TLK2: variants seen among roughly 807,000 people sequenced by gnomAD.
TLK2 encodes the protein tousled like kinase 2, also known as serine/threonine-protein kinase tousled-like 2.
TLK2 carries 6 observed loss-of-function variants against 117.3 expected under a neutral mutation model. The observed-to-expected ratio is 0.05, with a 90% confidence interval of 0.03 to 0.10. The LOEUF is 0.10. Ranked by LOEUF, TLK2 falls within the 10% of genes least tolerant of loss-of-function variation. The pLI is 1.00. For synonymous variants in TLK2, 257 were observed against 316.7 expected (o/e 0.81, Z 2.00); for missense variants, 299 against 901.2 (o/e 0.33, Z 8.56).
At chr17:62,488,593 C>A (rs1485891265) in intron 2 of TLK2, among the ~76,000 whole-genome samples, 1 of 152,024 alleles carries the variant, frequency 6.6e-6, no homozygotes, top group African/African-American at 2.4e-5. Flanking sequence ...AGTCAAGTAC[C>A]AACACGTGCC....
chr17:62,580,383 A>G (rs970312896), intron 15 of TLK2, among the ~76,000 whole-genome samples, 191 bp downstream of exon 15: 5 of 152,120 alleles, frequency 3.3e-5, no homozygotes, highest in African/African-American at 9.7e-5. Context: ...CAGTATTGCC[A>G]TTTTCAAGTT....
At chr17:62,491,015 C>T (rs1163427826) in intron 2 of TLK2, among the ~76,000 whole-genome samples, 1 of 152,216 alleles carries the variant, frequency 6.6e-6, no homozygotes, top group Non-Finnish European at 1.5e-5. Context: ...AGACAACAGG[C>T]ATGTGCCATT....
intron 2 of TLK2, among the ~76,000 whole-genome samples, chr17:62,496,831 C>T (rs1212519628): frequency 6.6e-6 from 1 of 151,776 alleles, no homozygotes; most frequent in East Asian, 1.9e-4. Flanking sequence ...GTGGCAGGCG[C>T]CTGTAGTCCC....
chr17:62,544,425 G>A (rs1002194457), intron 7 of TLK2, among the ~76,000 whole-genome samples: 3 of 152,212 alleles, frequency 2.0e-5, no homozygotes, highest in African/African-American at 7.2e-5. Context: ...ATCAGATCTC[G>A]TGAGAACTCA....
intron 16 of TLK2, 54 bp from the exon 17 acceptor site, chr17:62,596,531 G>C: frequency 7.6e-7 from 1 of 1,323,122 alleles, no homozygotes; most frequent in Non-Finnish European, 1.1e-6. Flanking sequence ...TCTTTGAAGA[G>C]TTCTAAAAGG....
intron 15 of TLK2, 188 bp from the exon 16 acceptor site, chr17:62,585,947 G>A: frequency 4.0e-6 from 2 of 504,552 alleles, no homozygotes; most frequent in Non-Finnish European, 3.6e-6. Flanking sequence ...GTGCCAGTGT[G>A]TCTGGAGACT....
intron 2 of TLK2, among the ~76,000 whole-genome samples, chr17:62,494,633 G>A (rs534482917): frequency 2.0e-5 from 3 of 150,392 alleles, no homozygotes; most frequent in East Asian, 2.1e-4. Context: ...TGATCCACCC[G>A]TCTCAAGTGA....
chr17:62,571,825 A>T (rs2080319923), intron 11 of TLK2, among the ~76,000 whole-genome samples: 1 of 152,158 alleles, frequency 6.6e-6, no homozygotes, highest in South Asian at 2.1e-4. Context: ...TCTGACAGCA[A>T]TGTTCAGGGA....
upstream of TLK2, among the ~76,000 whole-genome samples, chr17:62,475,950 G>A (rs935784296): frequency 4.6e-5 from 7 of 151,538 alleles, no homozygotes; most frequent in South Asian, 2.1e-4. Context: ...GTGAGCCACC[G>A]CTCCCAGCCT....
intron 2 of TLK2, among the ~76,000 whole-genome samples, chr17:62,501,574 T>TA (rs780611661): frequency 5.2e-4 from 71 of 137,248 alleles, no homozygotes; most frequent in Non-Finnish European, 8.9e-4. Flanking sequence ...AATACTAAAA[T>TA]ACAAAAATAC....
chr17:62,503,353 G>A (rs1037116234), intron 2 of TLK2, among the ~76,000 whole-genome samples: 5 of 150,882 alleles, frequency 3.3e-5, no homozygotes, highest in South Asian at 2.1e-4. Flanking sequence ...CCACCGCACC[G>A]GGCCTGGCTT....
chr17:62,585,612 G>A (rs920434050), intron 15 of TLK2: 3 of 152,366 alleles, frequency 2.0e-5, no homozygotes, highest in Non-Finnish European at 4.4e-5. Context: ...GCTGTTTTTT[G>A]TTCTTGTTTC....
intron 7 of TLK2, among the ~76,000 whole-genome samples, chr17:62,542,919 T>C (rs1233330494): frequency 1.3e-5 from 2 of 152,236 alleles, no homozygotes; most frequent in Non-Finnish European, 2.9e-5. Flanking sequence ...ATAGGCATTT[T>C]TAAAAAACAT....
chr17:62,495,510 C>T (rs1242921651), intron 2 of TLK2, among the ~76,000 whole-genome samples: 1 of 149,160 alleles, frequency 6.7e-6, no homozygotes, highest in Non-Finnish European at 1.5e-5. Flanking sequence ...TGCCTCCCAG[C>T]CTCAAGTGAT....
At chr17:62,543,113 TAAAG>T (rs1339244054) in intron 7 of TLK2, among the ~76,000 whole-genome samples, 2 of 152,192 alleles carry the variant, frequency 1.3e-5, no homozygotes, top group Non-Finnish European at 2.9e-5. Flanking sequence ...TTTTAACTTT[TAAAG>T]TAGGGAGTTG....
chr17:62,553,618 C>T (rs1229464660), intron 8 of TLK2, 45 bp from the exon 9 acceptor site: 1 of 1,316,110 alleles, frequency 7.6e-7, no homozygotes. Context: ...TGACATATAA[C>T]ATGTTGAGAC....
At chr17:62,544,110 G>A (rs1021869278) in intron 7 of TLK2, among the ~76,000 whole-genome samples, 9 of 151,940 alleles carry the variant, frequency 5.9e-5, no homozygotes, top group South Asian at 2.1e-4. Context: ...TTGAACTGTC[G>A]GCACCGTTTT....
At chr17:62,604,534 A>AT (rs2083117790) in intron 19 of TLK2, among the ~76,000 whole-genome samples, 1 of 152,200 alleles carries the variant, frequency 6.6e-6, no homozygotes, top group African/African-American at 2.4e-5. Context: ...AATTAATTTC[A>AT]TTCACTTACA....
intron 2 of TLK2, among the ~76,000 whole-genome samples, chr17:62,511,146 T>TTG (rs1209417091): frequency 6.6e-6 from 1 of 152,122 alleles, no homozygotes; most frequent in Non-Finnish European, 1.5e-5. Context: ...CATGAATCAT[T>TTG]TGTGTGTGTG....
Sources: allele counts gnomAD v4.1 joint callset (sites outside exome capture counted in the v4.1 genomes callset), GRCh38; gene constraint gnomAD v4.1.1; transcripts MANE v1.5; gene names NCBI Gene and HGNC (gene_info 2026-07-23, HGNC 2026-07-21).